Variants in CCSAP observed in about 807,000 individuals in gnomAD.
CCSAP encodes the protein centriole, cilia and spindle associated protein, also known as centriole, cilia and spindle-associated protein.
A neutral mutation model predicts 25.9 loss-of-function variants in CCSAP; 17 were observed. The ratio of observed to expected loss-of-function variants is 0.66; its 90% CI spans 0.45 to 0.99. The LOEUF is 0.99. Ranked by LOEUF, CCSAP falls within the 50% of genes least tolerant of loss-of-function variation. CCSAP has a pLI of 0.00. For synonymous variants in CCSAP, 169 were observed against 157.1 expected (o/e 1.08, Z -0.57); for missense variants, 339 against 367.8 (o/e 0.92, Z 0.64).
At chr1:229,327,609 C>T in intron 2 of CCSAP, 1 of 455,708 alleles carries the variant, frequency 2.2e-6, no homozygotes, top group Non-Finnish European at 4.4e-6. Flanking sequence ...GTGGCTCACA[C>T]CTGTAATCCC....
chr1:229,334,565 C>A (rs1184346482), intron 2 of CCSAP, among the ~76,000 whole-genome samples: 2 of 151,584 alleles, frequency 1.3e-5, no homozygotes, highest in East Asian at 3.9e-4. Context: ...GCAAAATAAA[C>A]CCAAAGAAAA....
At chr1:229,326,436 G>A (rs993560340) in intron 3 of CCSAP, among the ~76,000 whole-genome samples, 13 of 152,178 alleles carry the variant, frequency 8.5e-5, no homozygotes, top group African/African-American at 1.7e-4. Context: ...CTAACCTTCC[G>A]GCCCCCCAGG....
chr1:229,337,678 A>AAAAAAAAAAAAAATATATATATAT, intron 2 of CCSAP, among the ~76,000 whole-genome samples: 1 of 65,548 alleles, frequency 1.5e-5, no homozygotes, highest in African/African-American at 6.0e-5. Flanking sequence ...CTCAAAAAAA[A>AAAAAAAAAAAAAATATATATATAT]ATATATATAT....
chr1:229,325,336 C>G lies in CCSAP; in HGVS notation c.712G>C (p.Ala238Pro), dbSNP rs150524317. The change falls in exon 4 of 4, where the codon GCT becomes CCT. Residue 238 changes from alanine (A) to proline (P), a missense_variant. Physicochemically the swap from Ala to Pro is conservative, Grantham distance 27. Transcript: ENST00000284617. ...TTCTTCTCCACATCCACAGAGTGAGCTCGCTGCCTTTGAGCAACCAGTTTC... is the reference window on the plus strand; with the variant it reads ...TTCTTCTCCACATCCACAGAGTGAGGTCGCTGCCTTTGAGCAACCAGTTTC... ...KRKLVAQRQR[A>P]HSVDVEKNRK... 1.9e-3 allele frequency: 3,055 copies of G among 1,614,212 alleles called. 3 individuals carry two copies. The highest frequency in any genetic ancestry group is 2.3e-3 in the Non-Finnish European group (2,756 of 1,180,026).
At chr1:229,332,439 G>A (rs1658092357) in intron 2 of CCSAP, among the ~76,000 whole-genome samples, 1 of 152,176 alleles carries the variant, frequency 6.6e-6, no homozygotes, top group Non-Finnish European at 1.5e-5. Context: ...TCAGAAGTCT[G>A]TGTTGATTGT....
Position 229,321,451 on chromosome 1 carries a change from C to T in CCSAP, c.*3784G>A, listed in dbSNP as rs747177469. 5.9e-5 allele frequency: 9 copies of T among 152,156 alleles called. No homozygotes were observed. The highest frequency in any genetic ancestry group is 1.2e-4 in the Non-Finnish European group (8 of 68,018). 9.4% of individuals were successfully genotyped at this position (152,156 alleles called of 1,614,324 possible). On this transcript the variant is annotated 3_prime_UTR_variant, in exon 4 of 4. Transcript: ENST00000284617. The stretch of plus-strand genomic sequence containing the variant: ...TGCACTGAATAACTCCATATCCACC[C>T]TATAGTACAAAAATTCATTTCAAAT...
At chr1:229,335,939 T>C in intron 2 of CCSAP, among the ~76,000 whole-genome samples, 1 of 151,822 alleles carries the variant, frequency 6.6e-6, no homozygotes, top group East Asian at 1.9e-4. Context: ...AAATAAAAAA[T>C]AATACAACAA....
At chr1:229,328,155 C>G (rs74900141) in intron 2 of CCSAP, among the ~76,000 whole-genome samples, 1 of 152,186 alleles carries the variant, frequency 6.6e-6, no homozygotes, top group Admixed American at 6.5e-5. Flanking sequence ...ACTTTGTGAG[C>G]CTGTGTTTGC....
chr1:229,322,658 A>G lies in CCSAP; in HGVS notation c.*2577T>C, dbSNP rs1276394841. The G allele has an allele frequency of 6.6e-6, 1 of 152,146 alleles. No individual in the cohort carries two copies. The highest frequency in any genetic ancestry group is 1.5e-5 in the Non-Finnish European group (1 of 67,994). The allele number at this position is 152,146 out of a possible 1,614,324, so 9.4% of individuals were successfully genotyped here. A position where few individuals can be genotyped will look rare whatever the true frequency, so the allele number is the denominator to read the frequency against. ...GTGCCAAGTATTTTAACATCTCCTA[A>G]CTAAGGGCAGTTAAAAGACAAAGAA... On this transcript the variant is annotated 3_prime_UTR_variant, in exon 4 of 4. Transcript: ENST00000284617.
chr1:229,332,034 G>C (rs1185386020), intron 2 of CCSAP, among the ~76,000 whole-genome samples: 2 of 151,644 alleles, frequency 1.3e-5, no homozygotes, highest in Non-Finnish European at 2.9e-5. Context: ...GTAGAGACGG[G>C]GTTTCATCAT....
intron 2 of CCSAP, among the ~76,000 whole-genome samples, chr1:229,331,328 G>A (rs906680034): frequency 6.6e-6 from 1 of 152,062 alleles, no homozygotes; most frequent in Non-Finnish European, 1.5e-5. Context: ...GAAAAAGACA[G>A]AAGAATTATC....
intron 2 of CCSAP, among the ~76,000 whole-genome samples, chr1:229,330,868 G>A (rs1658053002): frequency 6.6e-6 from 1 of 151,192 alleles, no homozygotes; most frequent in East Asian, 1.9e-4. Context: ...GCAATTAACA[G>A]TCCAAAAATT....
intron 3 of CCSAP, among the ~76,000 whole-genome samples, chr1:229,325,934 A>G (rs1657930269): frequency 6.6e-6 from 1 of 152,212 alleles, no homozygotes; most frequent in Non-Finnish European, 1.5e-5. Flanking sequence ...GTTGTCTCAA[A>G]TATCACTCCA....
In CCSAP at chr1:229,342,501, C is replaced by T. The variant is rs976224328; in HGVS notation, c.-36G>A. 5.0e-5 allele frequency: 65 copies of T among 1,304,490 alleles called. No individual in the cohort carries two copies. Among genetic ancestry groups the T allele is most frequent in the Non-Finnish European group, 6.2e-5 (63 of 1,019,266 alleles). The allele number at this position is 1,304,490 out of a possible 1,614,324, so 80.8% of individuals were successfully genotyped here. ...GCCGCCTCGAGCGCCAGCCGCTCCT[C>T]GCTGCCCGCAGCCTACGGGACCCGG... is the stretch of plus-strand genomic sequence containing the variant. On this transcript the variant is annotated 5_prime_UTR_variant, in exon 2 of 4. Coordinates refer to ENST00000284617, the MANE Select transcript of CCSAP (RefSeq NM_145257.5). This position sits in a 1 kb window ranked among gnomAD's most constrained non-coding sequence, Gnocchi z 7.5.
intron 2 of CCSAP, chr1:229,327,438 C>T (rs1657965762): frequency 2.1e-5 from 9 of 434,568 alleles, no homozygotes; most frequent in South Asian, 1.4e-4. Context: ...TTACTCCACC[C>T]GAAAATGCTC....
Position 229,342,159 on chromosome 1 carries a change from C to G in CCSAP, c.307G>C (p.Glu103Gln). The G allele has an allele frequency of 1.5e-6, 2 of 1,303,852 alleles. No individual in the cohort carries two copies. The highest frequency in any genetic ancestry group is 1.9e-6 in the Non-Finnish European group (2 of 1,026,304). 80.8% of individuals were successfully genotyped at this position (1,303,852 alleles called of 1,614,324 possible). ...GCGTCCCCGGCCTCCGCGTCCTGCT[C>G]CTCCGGGGCCCCGCGCGCCCGCCGT... is the stretch of plus-strand genomic sequence containing the variant. The part of the protein sequence containing the change: ...AERRARGAPE[E>Q]QDAEAGDAEA... The change falls in exon 2 of 4, where the codon GAG (glutamate) becomes CAG (glutamine). Residue 103 changes from glutamate to glutamine, a missense_variant. Physicochemically the swap from Glu to Gln is conservative, Grantham distance 29 (BLOSUM62 2). Transcript: ENST00000284617. The surrounding 1 kb of genome is among the most constrained non-coding windows in gnomAD (Gnocchi z 7.5).
intron 2 of CCSAP, among the ~76,000 whole-genome samples, chr1:229,338,053 G>A (rs1377089210): frequency 1.3e-5 from 2 of 152,044 alleles, no homozygotes; most frequent in Non-Finnish European, 2.9e-5. Flanking sequence ...TATCTACACA[G>A]CCATAATTCA....
At position 229,321,345 on chromosome 1, in the gene CCSAP, C is replaced by T. The variant is rs565386078; in HGVS notation, c.*3890G>A. 1 of 152,286 alleles carries T rather than the reference C, an allele frequency of 6.6e-6. No individual in the cohort carries two copies. The highest frequency in any genetic ancestry group is 2.1e-4 in the South Asian group (1 of 4,830). 9.4% of individuals were successfully genotyped at this position (152,286 alleles called of 1,614,324 possible). On this transcript the variant is annotated 3_prime_UTR_variant, in exon 4 of 4. Coordinates refer to ENST00000284617, the MANE Select transcript of CCSAP (RefSeq NM_145257.5). ...GCAATCGATTTTTTTCCATCTCACA[C>T]TAGTAGGCTTGAAGGAGGCAAATTT...
chr1:229,334,805 T>G (rs1253331200), intron 2 of CCSAP, among the ~76,000 whole-genome samples: 1 of 152,118 alleles, frequency 6.6e-6, no homozygotes, highest in Admixed American at 6.6e-5. Context: ...GCTTATAGTC[T>G]CTTCCTCTCC....
Sources: allele counts gnomAD v4.1 joint callset (sites outside exome capture counted in the v4.1 genomes callset), GRCh38; gene constraint gnomAD v4.1.1; non-coding constraint Gnocchi (gnomAD v3.1); transcripts MANE v1.5; gene names NCBI Gene and HGNC (gene_info 2026-07-23, HGNC 2026-07-21).